HTR2A: variants seen among roughly 807,000 people sequenced by gnomAD.
HTR2A encodes the protein 5-HT2 receptor.
A neutral mutation model predicts 31.0 loss-of-function variants in HTR2A; 14 were observed. That is an observed-to-expected ratio of 0.45 (90% CI 0.30 to 0.71). The LOEUF (loss-of-function observed/expected upper bound fraction) is 0.71, where lower values mean the gene tolerates loss of function less well. Among genes scored for constraint, HTR2A ranks in the 30% least tolerant of loss-of-function variants. The probability of loss-of-function intolerance (pLI) is 0.09; values close to 1 mark genes in which losing one functional copy is unlikely to be tolerated. For synonymous variants in HTR2A, 209 were observed against 225.2 expected (o/e 0.93, Z 0.64); for missense variants, 442 against 573.3 (o/e 0.77, Z 2.34).
chr13:46,843,756 C>T (rs1007215080), intron 3 of HTR2A, among the ~76,000 whole-genome samples: 22 of 152,162 alleles, frequency 1.4e-4, no homozygotes, highest in African/African-American at 5.3e-4. Flanking sequence ...TGAAATGCTA[C>T]ACCAATGAGT....
chr13:46,875,891 T>C (rs1950905622), intron 3 of HTR2A, among the ~76,000 whole-genome samples: 1 of 152,200 alleles, frequency 6.6e-6, no homozygotes, highest in Non-Finnish European at 1.5e-5. Flanking sequence ...TAATATATGT[T>C]ATAACAGACA....
intron 3 of HTR2A, among the ~76,000 whole-genome samples, chr13:46,846,052 C>T (rs751778585): frequency 6.6e-6 from 1 of 152,174 alleles, no homozygotes; most frequent in Non-Finnish European, 1.5e-5. Flanking sequence ...CTGTCCCACA[C>T]AGCCTAGGTA....
intron 3 of HTR2A, among the ~76,000 whole-genome samples, chr13:46,875,067 C>A (rs907872873): frequency 2.0e-5 from 3 of 152,136 alleles, no homozygotes; most frequent in African/African-American, 7.2e-5. Context: ...AGTAGACAGA[C>A]CTTTGATTTC....
chr13:46,864,778 TTA>T, intron 3 of HTR2A, among the ~76,000 whole-genome samples: 1 of 152,058 alleles, frequency 6.6e-6, no homozygotes, highest in Non-Finnish European at 1.5e-5. Context: ...AGCTAGTTGT[TTA>T]TCTAGAGAAT....
intron 3 of HTR2A, among the ~76,000 whole-genome samples, chr13:46,854,962 A>T (rs1232588973): frequency 6.6e-6 from 1 of 152,174 alleles, no homozygotes; most frequent in Non-Finnish European, 1.5e-5. Flanking sequence ...AAGAGAAAAA[A>T]TTTGGACGTG....
rs71077929 is a variant in HTR2A at position 46,873,152 on chromosome 13, C to CT, written c.613+19237dup. On this transcript the variant is annotated intron_variant, in intron 3 of 3. Coordinates refer to ENST00000542664, the MANE Select transcript of HTR2A (RefSeq NM_000621.5). ...ATTATTTTTGCATCTATTTTACTTT[C>CT]TTTTTTTTTTTTAACCTTGGAACCA... Among the ~76,000 whole-genome samples, 180 of 145,754 alleles carry CT rather than the reference C, an allele frequency of 1.2e-3. 1 individual carries two copies. The highest frequency in any genetic ancestry group is 2.9e-3 in the East Asian group (14 of 4,898).
Position 46,896,030 on chromosome 13 carries a change from C to A in HTR2A, c.-124G>T. On this transcript the variant is annotated 5_prime_UTR_variant, in exon 2 of 4. Coordinates refer to ENST00000542664, the MANE Select transcript of HTR2A (RefSeq NM_000621.5). The stretch of plus-strand genomic sequence containing the variant: ...GAGGCTGGTGTACATGCTGTTCTCC[C>A]GGGGCTGGATTTTTGTCTTCCATTA... 1 of 1,427,582 alleles carries A rather than the reference C, an allele frequency of 7.0e-7. No individual in the cohort carries two copies. Among genetic ancestry groups the A allele is most frequent in the East Asian group, 2.5e-5 (1 of 40,184 alleles). The allele number at this position is 1,427,582 out of a possible 1,614,324, so 88.4% of individuals were successfully genotyped here.
intron 3 of HTR2A, among the ~76,000 whole-genome samples, chr13:46,864,439 T>C (rs2760345): frequency 0.84 from 127,561 of 152,136 alleles, 54,407 homozygotes; most frequent in East Asian, 0.97. Context: ...ATTCTTTCTT[T>C]GGCTCTTTGA....
At chr13:46,864,418 T>C (rs1370785700) in intron 3 of HTR2A, among the ~76,000 whole-genome samples, 1 of 152,184 alleles carries the variant, frequency 6.6e-6, no homozygotes, top group Non-Finnish European at 1.5e-5. Context: ...ATAAAATCCT[T>C]GTAATTATAA....
intron 3 of HTR2A, among the ~76,000 whole-genome samples, chr13:46,887,296 G>A (rs918078153): frequency 1.1e-4 from 16 of 151,850 alleles, no homozygotes; most frequent in Middle Eastern, 3.4e-3. Context: ...GGTGGCGGGC[G>A]CCTGTAGTCC....
At chr13:46,896,652 A>G in intron 1 of HTR2A, 22 bp downstream of exon 1, 1 of 1,497,100 alleles carries the variant, frequency 6.7e-7, no homozygotes, top group Non-Finnish European at 8.9e-7. Context: ...CAGCAATAAA[A>G]TATAGCGGCA....
intron 3 of HTR2A, among the ~76,000 whole-genome samples, chr13:46,890,131 G>A (rs1466589664): frequency 6.6e-6 from 1 of 152,208 alleles, no homozygotes; most frequent in African/African-American, 2.4e-5. Flanking sequence ...ATCACCTGAG[G>A]TCGGGAGTTC....
chr13:46,846,657 G>C (rs1425763066), intron 3 of HTR2A, among the ~76,000 whole-genome samples: 1 of 152,202 alleles, frequency 6.6e-6, no homozygotes, highest in Non-Finnish European at 1.5e-5. Context: ...CAAGGGTGCT[G>C]AGTAATGGGT....
chr13:46,854,529 A>T (rs1950716060), intron 3 of HTR2A, among the ~76,000 whole-genome samples: 1 of 152,188 alleles, frequency 6.6e-6, no homozygotes, highest in Admixed American at 6.5e-5. Context: ...CTTTAGGTGA[A>T]AGCTGCTGGA....
At chr13:46,886,804 G>C (rs1020973424) in intron 3 of HTR2A, among the ~76,000 whole-genome samples, 2 of 152,184 alleles carry the variant, frequency 1.3e-5, no homozygotes, top group Non-Finnish European at 2.9e-5. Context: ...AACAGATTGA[G>C]AGACCGAATA....
rs1305712686 is a variant in HTR2A, at chr13:46,831,629, A to AAAT, written c.*3205_*3207dup. ...TCGCCTTGATTAAAATAAGTTCATAAAATAATCTTCACTGTATTTGTTACA... is the reference window on the plus strand; with the variant it reads ...TCGCCTTGATTAAAATAAGTTCATAAAATAATAATCTTCACTGTATTTGTTACA... On this transcript the variant is annotated 3_prime_UTR_variant, in exon 4 of 4. Transcript: ENST00000542664. The AAAT allele has an allele frequency of 1.3e-5, 2 of 152,242 alleles. No homozygotes were observed. The highest frequency in any genetic ancestry group is 2.4e-5 in the African/African-American group (1 of 41,466). The allele number at this position is 152,242 out of a possible 1,614,324, so 9.4% of individuals were successfully genotyped here. A position where few individuals can be genotyped will look rare whatever the true frequency, so the allele number is the denominator to read the frequency against.
At position 46,895,374 on chromosome 13, in the gene HTR2A, C is replaced by G; in HGVS notation, c.412+121G>C. 1 of 840,442 alleles carries G rather than the reference C, an allele frequency of 1.2e-6. No individual in the cohort carries two copies. Among genetic ancestry groups the G allele is most frequent in the Non-Finnish European group, 1.8e-6 (1 of 548,106 alleles). The allele number at this position is 840,442 out of a possible 1,614,324, so 52.1% of individuals were successfully genotyped here. A position where few individuals can be genotyped will look rare whatever the true frequency, so the allele number is the denominator to read the frequency against. On this transcript the variant is annotated intron_variant, in intron 2 of 3. Transcript: ENST00000542664. This position sits in a 1 kb window ranked among gnomAD's most constrained non-coding sequence, Gnocchi z 4.4. Reference sequence around the variant, plus strand: ...TATAAGTAACATAGTAGGCTCTAGTCTATAAACAAAGACTTCTATTTATAG... The same window carrying G: ...TATAAGTAACATAGTAGGCTCTAGTGTATAAACAAAGACTTCTATTTATAG...
chr13:46,883,492 G>A (rs1950983316), intron 3 of HTR2A, among the ~76,000 whole-genome samples: 2 of 152,116 alleles, frequency 1.3e-5, no homozygotes, highest in South Asian at 4.2e-4. Context: ...AATTTAAAGT[G>A]GTATCTTTGG....
At chr13:46,863,618 C>A (rs1593435275) in intron 3 of HTR2A, among the ~76,000 whole-genome samples, 1 of 106,184 alleles carries the variant, frequency 9.4e-6, no homozygotes, top group South Asian at 3.6e-4. Context: ...CAGAGTGAGA[C>A]TCCCTCAAAA....
Sources: allele counts gnomAD v4.1 joint callset (sites outside exome capture counted in the v4.1 genomes callset), GRCh38; gene constraint gnomAD v4.1.1; non-coding constraint Gnocchi (gnomAD v3.1); transcripts MANE v1.5; gene names NCBI Gene and HGNC (gene_info 2026-07-23, HGNC 2026-07-21).